Variants in DIAPH2 observed in about 807,000 individuals in gnomAD.
DIAPH2 encodes protein diaphanous homolog 2.
Under a neutral mutation model 92.7 loss-of-function variants are expected in DIAPH2, and 35 were observed. The observed-to-expected ratio is 0.38, with a 90% CI of 0.29 to 0.50. The LOEUF (loss-of-function observed/expected upper bound fraction) is 0.50. Among genes scored for constraint, DIAPH2 ranks in the 20% least tolerant of loss-of-function variants. DIAPH2 has a pLI of 0.94. For missense variants in DIAPH2, 701 were observed against 819.5 expected, an observed-to-expected ratio of 0.86 and a Z score of 1.77; for synonymous variants, 301 against 280.4, an observed-to-expected ratio of 1.07 and a Z score of -0.73.
chrX:96,908,167 G>C (rs922608770), intron 5 of DIAPH2, among the ~76,000 whole-genome samples: 2 of 111,326 alleles, frequency 1.8e-5, no homozygotes, highest in African/African-American at 6.5e-5. Flanking sequence ...TGATGAAAAC[G>C]TTTTATATCT....
chrX:97,357,621 G>C (rs939105229), intron 24 of DIAPH2, among the ~76,000 whole-genome samples: 1 of 110,912 alleles, frequency 9.0e-6, no homozygotes, highest in African/African-American at 3.3e-5. Context: ...CCATACCCTC[G>C]TGATTAATAC....
intron 10 of DIAPH2, 75 bp downstream of exon 10, chrX:96,930,918 A>G: frequency 9.5e-7 from 1 of 1,048,875 alleles, no homozygotes; most frequent in South Asian, 2.6e-5. Flanking sequence ...TACTTGAAGC[A>G]GAGTAAATAA....
At chrX:96,880,328 A>G (rs980177624) in intron 4 of DIAPH2, among the ~76,000 whole-genome samples, 4 of 111,715 alleles carry the variant, frequency 3.6e-5, no homozygotes, top group African/African-American at 1.3e-4. Flanking sequence ...CGCTAAGGGA[A>G]TAGAGTTCCC....
intron 9 of DIAPH2, among the ~76,000 whole-genome samples, chrX:96,927,075 A>G (rs1176804527): frequency 9.0e-6 from 1 of 111,478 alleles, no homozygotes; most frequent in East Asian, 2.8e-4. Context: ...GTGCGATATA[A>G]TGTGGTAGAA....
intron 17 of DIAPH2, among the ~76,000 whole-genome samples, chrX:96,974,001 T>G (rs1164125093): frequency 2.7e-5 from 3 of 111,966 alleles, no homozygotes; most frequent in African/African-American, 9.7e-5. Flanking sequence ...AGCCAAATAT[T>G]TGTATATTTT....
intron 7 of DIAPH2, among the ~76,000 whole-genome samples, chrX:96,915,042 T>C (rs2065494077): frequency 9.0e-6 from 1 of 111,396 alleles, no homozygotes; most frequent in African/African-American, 3.2e-5. Flanking sequence ...ATCCAATACA[T>C]GTAACAATAG....
intron 23 of DIAPH2, among the ~76,000 whole-genome samples, chrX:97,337,272 T>G (rs1229083207): frequency 1.8e-5 from 2 of 110,978 alleles, no homozygotes; most frequent in African/African-American, 6.6e-5. Context: ...CTGGTGATTC[T>G]GATCCCCAGA....
intron 4 of DIAPH2, among the ~76,000 whole-genome samples, chrX:96,862,450 T>A (rs1050450191): frequency 8.9e-6 from 1 of 111,860 alleles, no homozygotes; most frequent in African/African-American, 3.2e-5. Context: ...TCATCCTTTC[T>A]TTAAGTTCCC....
At chrX:97,449,232 T>C (rs973557918) in intron 26 of DIAPH2, among the ~76,000 whole-genome samples, 2 of 111,830 alleles carry the variant, frequency 1.8e-5, no homozygotes, top group Non-Finnish European at 3.8e-5. Flanking sequence ...TAATAAGTTT[T>C]CTCTGCTTTC....
chrX:97,346,889 G>C (rs1428662820), intron 23 of DIAPH2, among the ~76,000 whole-genome samples: 1 of 110,614 alleles, frequency 9.0e-6, no homozygotes, highest in African/African-American at 3.3e-5. Flanking sequence ...CCTGCTTCAG[G>C]AGAAAAGGAT....
At chrX:97,119,867 C>A (rs1199753981) in intron 21 of DIAPH2, among the ~76,000 whole-genome samples, 3 of 111,811 alleles carry the variant, frequency 2.7e-5, no homozygotes, top group Non-Finnish European at 5.6e-5. Flanking sequence ...CCCACGCAAT[C>A]CAAAGGGCTG....
intron 17 of DIAPH2, among the ~76,000 whole-genome samples, chrX:97,020,609 G>A (rs765892529): frequency 1.7e-4 from 19 of 111,709 alleles, no homozygotes; most frequent in Non-Finnish European, 3.2e-4. Flanking sequence ...CATTAGGGCC[G>A]TTATAAAATA....
chrX:96,717,302 C>T (rs896864417), intron 1 of DIAPH2, among the ~76,000 whole-genome samples: 1 of 110,948 alleles, frequency 9.0e-6, no homozygotes, highest in Non-Finnish European at 1.9e-5. Flanking sequence ...GAGTCTTGTT[C>T]GGGGCCTCCA....
intron 13 of DIAPH2, among the ~76,000 whole-genome samples, chrX:96,944,833 A>C (rs1315455292): frequency 9.0e-6 from 1 of 111,293 alleles, no homozygotes; most frequent in Non-Finnish European, 1.9e-5. Flanking sequence ...TATAAATAAA[A>C]CTGCTGTGAA....
chrX:97,548,060 C>T (rs1240236556), intron 26 of DIAPH2, among the ~76,000 whole-genome samples: 1 of 112,081 alleles, frequency 8.9e-6, no homozygotes, highest in Non-Finnish European at 1.9e-5. Flanking sequence ...TAGTAATGCT[C>T]ATGTGACCAC....
chrX:97,151,492 T>C (rs1313942803), intron 22 of DIAPH2, among the ~76,000 whole-genome samples: 1 of 49,608 alleles, frequency 2.0e-5, no homozygotes, highest in Non-Finnish European at 4.4e-5. Flanking sequence ...CTAAAGATTT[T>C]ATCCAAACAC....
intron 20 of DIAPH2, among the ~76,000 whole-genome samples, chrX:97,113,481 G>A (rs995778689): frequency 1.8e-5 from 2 of 112,074 alleles, no homozygotes; most frequent in Admixed American, 9.5e-5. Flanking sequence ...ACAGTAACAG[G>A]TAGATATTTC....
intron 17 of DIAPH2, among the ~76,000 whole-genome samples, chrX:97,020,078 C>T (rs901200055): frequency 8.9e-6 from 1 of 112,630 alleles, no homozygotes; most frequent in East Asian, 2.8e-4. Flanking sequence ...AAGCTCTTGG[C>T]TATGCAGTGC....
At chrX:97,184,147 A>G (rs1361610374) in intron 22 of DIAPH2, among the ~76,000 whole-genome samples, 1 of 112,147 alleles carries the variant, frequency 8.9e-6, no homozygotes, top group Non-Finnish European at 1.9e-5. Flanking sequence ...GTCTGCCACC[A>G]GGGCCTTGAG....
Sources: allele counts gnomAD v4.1 joint callset (sites outside exome capture counted in the v4.1 genomes callset), GRCh38; gene constraint gnomAD v4.1.1; transcripts MANE v1.5; gene names NCBI Gene and HGNC (gene_info 2026-07-23, HGNC 2026-07-21).